RUSC2: variants seen among roughly 807,000 people sequenced by gnomAD.
The protein encoded by RUSC2 is RUN and SH3 domain containing 2, also known as AP-4 complex accessory subunit RUSC2.
In RUSC2, 34 loss-of-function variants were observed where a neutral mutation model predicts 122.2. The ratio of observed to expected loss-of-function variants is 0.28; its 90% CI spans 0.21 to 0.37. The LOEUF (loss-of-function observed/expected upper bound fraction) is 0.37. RUSC2 is among the 10% of genes least tolerant of loss of function. The pLI is 1.00. For missense variants in RUSC2, 1,747 were observed against 1,952.4 expected, an observed-to-expected ratio of 0.89 and a Z score of 1.98; for synonymous variants, 784 against 790.0, an observed-to-expected ratio of 0.99 and a Z score of 0.13.
Position 35,546,970 on chromosome 9 carries a change from C to A in RUSC2, c.449C>A (p.Pro150Gln). 1 of 1,584,530 alleles carries A rather than the reference C, an allele frequency of 6.3e-7. No homozygotes were observed. ...NFHLSSFQLP[P>Q]SGPRVGRPWG... The stretch of plus-strand genomic sequence containing the variant: ...CATCTATCCTCTTTCCAGCTGCCAC[C>A]ATCTGGCCCCAGAGTGGGCAGGCCA... The change falls in exon 2 of 12, where the codon CCA (proline) becomes CAA (glutamine). Residue 150 changes from proline (P) to glutamine (Q), a missense_variant. Coordinates refer to ENST00000361226, the MANE Select transcript of RUSC2 (RefSeq NM_014806.5). The surrounding 1 kb of genome is among the most constrained non-coding windows in gnomAD (Gnocchi z 4.3).
chr9:35,549,142 G>A lies in RUSC2; in HGVS notation c.2014+607G>A, dbSNP rs941475374. The A allele has an allele frequency of 9.1e-6, 9 of 985,266 alleles. No homozygotes were observed. In the South Asian group the frequency reaches 1.4e-4, roughly 15 times the overall value. The allele number at this position is 985,266 out of a possible 1,614,324, so 61.0% of individuals were successfully genotyped here. The stretch of plus-strand genomic sequence containing the variant: ...AGACTGATTCTGAACCTGGATGATG[G>A]GAAAGATGAGGCCATGGATAGGGGC... On this transcript the variant is annotated intron_variant, in intron 2 of 11. Coordinates refer to ENST00000361226, the MANE Select transcript of RUSC2 (RefSeq NM_014806.5).
intron 1 of RUSC2, among the ~76,000 whole-genome samples, chr9:35,540,035 T>C (rs1717626789): frequency 6.6e-6 from 1 of 152,186 alleles, no homozygotes; most frequent in Non-Finnish European, 1.5e-5. Context: ...AAACCTTCTT[T>C]CTGGGGTTTT....
chr9:35,516,487 A>G (rs1821110174), intron 1 of RUSC2, among the ~76,000 whole-genome samples: 1 of 152,246 alleles, frequency 6.6e-6, no homozygotes, highest in African/African-American at 2.4e-5. Context: ...TATTAAGCAG[A>G]AACAGAAAGA....
intron 1 of RUSC2, among the ~76,000 whole-genome samples, chr9:35,532,618 C>T (rs1821442312): frequency 1.3e-5 from 2 of 152,032 alleles, no homozygotes; most frequent in Non-Finnish European, 2.9e-5. Flanking sequence ...TGGTGGCATG[C>T]ACCTGTAATC....
Position 35,558,681 on chromosome 9 carries a change from G to A in RUSC2, c.3341+114G>A. On this transcript the variant is annotated intron_variant, in intron 8 of 11. Coordinates refer to ENST00000361226, the MANE Select transcript of RUSC2 (RefSeq NM_014806.5). The surrounding 1 kb of genome is among the most constrained non-coding windows in gnomAD (Gnocchi z 4.3). ...GACAGACAGAAAGGGTGGATCTGGA[G>A]GGTCCCCTCAGCCCGCTATGGCCTC... 1.1e-6 allele frequency: 1 copy of A among 894,198 alleles called. No homozygotes were observed. Among genetic ancestry groups the A allele is most frequent in the Non-Finnish European group, 1.8e-6 (1 of 551,472 alleles). 55.4% of individuals were successfully genotyped at this position (894,198 alleles called of 1,614,324 possible). A position where few individuals can be genotyped will look rare whatever the true frequency, so the allele number is the denominator to read the frequency against.
Position 35,555,363 on chromosome 9 carries a change from G to A in RUSC2, c.2318G>A (p.Arg773Gln), listed in dbSNP as rs991637509. The change falls in exon 3 of 12, where the codon CGG becomes CAG. Residue 773 changes from arginine (R) to glutamine (Q), a missense_variant. By Grantham distance (43) the Arg-to-Gln change is conservative. Coordinates refer to ENST00000361226, the MANE Select transcript of RUSC2 (RefSeq NM_014806.5). The surrounding 1 kb of genome is among the most constrained non-coding windows in gnomAD (Gnocchi z 4.6). ...GCTGGGTCTGAGCCAGAGACCTCTCGGCCATCGCCCCTGGGCAGCTACTCC... is the reference window on the plus strand; with the variant it reads ...GCTGGGTCTGAGCCAGAGACCTCTCAGCCATCGCCCCTGGGCAGCTACTCC... ...RKAGSEPETS[R>Q]PSPLGSYSPI... 5.0e-6 allele frequency: 8 copies of A among 1,614,238 alleles called. No individual in the cohort carries two copies. In the Admixed American group the frequency reaches 5.0e-5, roughly 10 times the overall value.
chr9:35,541,008 A>G (rs1014309214), intron 1 of RUSC2, among the ~76,000 whole-genome samples: 7 of 152,242 alleles, frequency 4.6e-5, no homozygotes, highest in Admixed American at 2.0e-4. Context: ...TTAATGGCAC[A>G]TAAGTGTTTA....
intron 1 of RUSC2, among the ~76,000 whole-genome samples, chr9:35,527,197 G>T (rs1431134894): frequency 2.6e-5 from 4 of 151,762 alleles, no homozygotes; most frequent in African/African-American, 9.7e-5. Flanking sequence ...GAGTGCAGTA[G>T]TGCTTTCATG....
chr9:35,534,703 G>A (rs139713912), intron 1 of RUSC2, among the ~76,000 whole-genome samples: 3,567 of 152,122 alleles, frequency 0.023, 141 homozygotes, highest in African/African-American at 0.082. Context: ...GGCTGGTCTC[G>A]AACTCCTGAC....
chr9:35,549,966 C>T (rs553705235), intron 2 of RUSC2, among the ~76,000 whole-genome samples: 1 of 152,176 alleles, frequency 6.6e-6, no homozygotes, highest in South Asian at 2.1e-4. Context: ...AATCCCAGCA[C>T]TTTGGGAGGC....
intron 1 of RUSC2, among the ~76,000 whole-genome samples, chr9:35,538,331 G>A (rs780127298): frequency 9.2e-5 from 14 of 152,104 alleles, no homozygotes; most frequent in South Asian, 2.1e-4. Context: ...CCTGTCTACC[G>A]CCCCGTCTCT....
rs1364857013 is a variant in RUSC2 at position 35,547,749 on chromosome 9, C to T, written c.1228C>T (p.Pro410Ser). The T allele has an allele frequency of 6.2e-7, 1 of 1,614,052 alleles. No individual in the cohort carries two copies. Among genetic ancestry groups the T allele is most frequent in the Non-Finnish European group, 8.5e-7 (1 of 1,180,046 alleles). ...VTCDLSSQSS[P>S]SPAGSSITSC... ...CTGTGACCTATCTTCCCAATCATCC[C>T]CAAGCCCTGCTGGCTCTTCCATCAC... Residue 410 changes from proline (P) to serine (S), a missense_variant, in exon 2 of 12, where the codon CCA (proline) becomes TCA (serine). Transcript: ENST00000361226. The surrounding 1 kb of genome is among the most constrained non-coding windows in gnomAD (Gnocchi z 4.6).
chr9:35,516,925 A>G (rs990126178), intron 1 of RUSC2, among the ~76,000 whole-genome samples: 15 of 152,338 alleles, frequency 9.8e-5, no homozygotes, highest in African/African-American at 3.6e-4. Flanking sequence ...TCACCAAAAG[A>G]AGGTAAGTAT....
Position 35,558,431 on chromosome 9 carries a change from C to A in RUSC2, c.3236-31C>A. The A allele has an allele frequency of 6.2e-7, 1 of 1,613,888 alleles. No individual in the cohort carries two copies. Among genetic ancestry groups the A allele is most frequent in the South Asian group, 1.1e-5 (1 of 91,044 alleles). Reference sequence around the variant, plus strand: ...TGAATTTAGGGCTCCAGAAATTGGTCATGTGACCTGCAACCCTGGCTTCCT... The same window carrying A: ...TGAATTTAGGGCTCCAGAAATTGGTAATGTGACCTGCAACCCTGGCTTCCT... On this transcript the variant is annotated intron_variant, in intron 7 of 11. Coordinates refer to ENST00000361226, the MANE Select transcript of RUSC2 (RefSeq NM_014806.5). The surrounding 1 kb of genome is among the most constrained non-coding windows in gnomAD (Gnocchi z 4.3).
chr9:35,494,898 T>A (rs982358156), intron 1 of RUSC2, among the ~76,000 whole-genome samples: 2 of 137,458 alleles, frequency 1.5e-5, no homozygotes, highest in Admixed American at 1.7e-4. Context: ...TTCTTGTTTT[T>A]TATATATAAT....
At chr9:35,500,286 A>AGG (rs1820797173) in intron 1 of RUSC2, among the ~76,000 whole-genome samples, 1 of 151,702 alleles carries the variant, frequency 6.6e-6, no homozygotes, top group African/African-American at 2.4e-5. Context: ...AGAGAGAGAG[A>AGG]GCTTGTGCAG....
intron 1 of RUSC2, among the ~76,000 whole-genome samples, chr9:35,529,427 C>G (rs1821380044): frequency 6.6e-6 from 1 of 151,126 alleles, no homozygotes; most frequent in Non-Finnish European, 1.5e-5. Flanking sequence ...GGTTTTTTTT[C>G]AAGCAAAACA....
At chr9:35,494,609 C>T (rs1289215998) in intron 1 of RUSC2, among the ~76,000 whole-genome samples, 2 of 151,892 alleles carry the variant, frequency 1.3e-5, no homozygotes, top group African/African-American at 2.4e-5. Flanking sequence ...GGAGAAATGC[C>T]TATTCAAGTC....
chr9:35,535,616 G>A (rs1821509243), intron 1 of RUSC2, among the ~76,000 whole-genome samples: 1 of 145,138 alleles, frequency 6.9e-6, no homozygotes, highest in Admixed American at 7.2e-5. Context: ...TTGGCTCACT[G>A]CAAGCTCTGC....
Sources: allele counts gnomAD v4.1 joint callset (sites outside exome capture counted in the v4.1 genomes callset), GRCh38; gene constraint gnomAD v4.1.1; non-coding constraint Gnocchi (gnomAD v3.1); transcripts MANE v1.5; gene names NCBI Gene and HGNC (gene_info 2026-07-23, HGNC 2026-07-21).